Variants in C6orf118 observed in about 807,000 individuals in gnomAD.
The protein encoded by C6orf118 is uncharacterized protein C6orf118.
C6orf118 carries 50 observed loss-of-function variants against 50.2 expected under a neutral mutation model. That is an observed-to-expected ratio of 1.00 (90% CI 0.79 to 1.26). C6orf118 has a LOEUF of 1.26. C6orf118 is among the 50% of genes most tolerant of loss of function. The pLI, the probability that C6orf118 is intolerant of heterozygous loss-of-function variation, is 0.00. For missense variants in C6orf118, 641 were observed against 578.7 expected (o/e 1.11, Z -1.10); for synonymous variants, 239 against 230.9 (o/e 1.03, Z -0.32).
In C6orf118 at chr6:165,300,401, C is replaced by T; in HGVS notation, c.839G>A (p.Ser280Asn). 3 of 1,613,884 alleles carry T rather than the reference C, an allele frequency of 1.9e-6. No individual in the cohort carries two copies. In the African/African-American group the frequency reaches 4.0e-5, roughly 22 times the overall value. Residue 280 changes from serine (S) to asparagine (N), a missense_variant, in exon 3 of 9, where the codon AGT becomes AAT. By Grantham distance (46) the Ser-to-Asn change is conservative. Coordinates refer to ENST00000230301, the MANE Select transcript of C6orf118 (RefSeq NM_144980.4). Reference protein sequence around the residue: ...FGKVFEDICNSSLIFGDLLKK... With the variant: ...FGKVFEDICNNSLIFGDLLKK... ...CAAGAGATCACCAAATATCAAAGAACTGTTACAAATATCTTCAAAGACTTT... is the reference window on the plus strand; with the variant it reads ...CAAGAGATCACCAAATATCAAAGAATTGTTACAAATATCTTCAAAGACTTT...
chr6:165,308,568 G>A lies in C6orf118; in HGVS notation c.25+994C>T, dbSNP rs191724370. On this transcript the variant is annotated intron_variant, in intron 1 of 8. Coordinates refer to ENST00000230301, the MANE Select transcript of C6orf118 (RefSeq NM_144980.4). Reference sequence around the variant, plus strand: ...AAGCAGCAAAACTGACCTTACCCTCGAGTCCAGCCTGGTGACAGCCTGAAG... The same window carrying A: ...AAGCAGCAAAACTGACCTTACCCTCAAGTCCAGCCTGGTGACAGCCTGAAG... Among the ~76,000 whole-genome samples, 418 of 152,204 alleles carry A rather than the reference G, an allele frequency of 2.7e-3. 2 individuals are homozygous for A. Among genetic ancestry groups the A allele is most frequent in the African/African-American group, 9.5e-3 (394 of 41,520 alleles).
intron 6 of C6orf118, among the ~76,000 whole-genome samples, chr6:165,291,165 G>A (rs1780092636): frequency 6.6e-6 from 1 of 152,096 alleles, no homozygotes; most frequent in South Asian, 2.1e-4. Flanking sequence ...TGGGGACACG[G>A]AGCCAAACCA....
At chr6:165,309,465 T>C in intron 1 of C6orf118, 97 bp downstream of exon 1, 2 of 1,476,734 alleles carry the variant, frequency 1.4e-6, no homozygotes, top group Non-Finnish European at 1.9e-6. Flanking sequence ...CAGAAAAAGA[T>C]TTTCACATTT....
At chr6:165,299,595 GTTCA>G (rs1780440785) in intron 3 of C6orf118, 93 bp from the exon 4 acceptor site, 1 of 932,224 alleles carries the variant, frequency 1.1e-6, no homozygotes, top group South Asian at 1.5e-5. Flanking sequence ...AGTCAAGAAT[GTTCA>G]TTTAGATCAT....
intron 7 of C6orf118, among the ~76,000 whole-genome samples, chr6:165,289,320 G>A (rs1777147029): frequency 6.6e-6 from 1 of 152,018 alleles, no homozygotes; most frequent in African/African-American, 2.4e-5. Context: ...TAAAAGTAGT[G>A]CTGGAAAAAT....
chr6:165,285,878 T>G (rs1779886086), intron 7 of C6orf118, among the ~76,000 whole-genome samples: 1 of 150,344 alleles, frequency 6.7e-6, no homozygotes, highest in African/African-American at 2.5e-5. Context: ...GAGAACCAAG[T>G]GCAAACAAAC....
At chr6:165,308,072 A>G (rs1043661249) in intron 1 of C6orf118, among the ~76,000 whole-genome samples, 1 of 152,214 alleles carries the variant, frequency 6.6e-6, no homozygotes, top group Non-Finnish European at 1.5e-5. Flanking sequence ...AGTGAGATGC[A>G]GACCCAGGGC....
At chr6:165,284,282 A>G (rs1258876338) in intron 7 of C6orf118, among the ~76,000 whole-genome samples, 4 of 152,192 alleles carry the variant, frequency 2.6e-5, no homozygotes, top group Admixed American at 6.5e-5. Context: ...AGAAAAAAGA[A>G]TGAAAGGAAT....
chr6:165,299,896 C>T (rs1021946792), intron 3 of C6orf118, among the ~76,000 whole-genome samples: 2 of 152,110 alleles, frequency 1.3e-5, no homozygotes, highest in African/African-American at 2.4e-5. Flanking sequence ...GTTGGCCAGG[C>T]TGGTCTTGAA....
chr6:165,282,866 T>C (rs1328095988), intron 7 of C6orf118, among the ~76,000 whole-genome samples: 2 of 152,168 alleles, frequency 1.3e-5, no homozygotes, highest in African/African-American at 4.8e-5. Flanking sequence ...AAGGAGGTTT[T>C]AATTATGAAA....
At chr6:165,281,802 T>G (rs1779739871) in intron 7 of C6orf118, 109 bp from the exon 8 acceptor site, 1 of 576,278 alleles carries the variant, frequency 1.7e-6, no homozygotes, top group East Asian at 3.6e-5. Flanking sequence ...TCAAGAGTAC[T>G]CAATAGCACA....
intron 8 of C6orf118, 167 bp downstream of exon 8, chr6:165,281,473 A>T (rs1201713657): frequency 9.5e-6 from 13 of 1,373,208 alleles, no homozygotes; most frequent in Non-Finnish European, 1.2e-5. Flanking sequence ...CATGATGTCA[A>T]TACTTACTCC....
At chr6:165,284,319 T>C (rs1270477119) in intron 7 of C6orf118, among the ~76,000 whole-genome samples, 1 of 152,102 alleles carries the variant, frequency 6.6e-6, no homozygotes, top group African/African-American at 2.4e-5. Flanking sequence ...AACTATGGGA[T>C]TATGTAAAAA....
chr6:165,286,718 T>C (rs1779916019), intron 7 of C6orf118, among the ~76,000 whole-genome samples: 2 of 152,268 alleles, frequency 1.3e-5, no homozygotes, highest in African/African-American at 2.4e-5. Context: ...TCTATAAAAT[T>C]CAACATCCCT....
chr6:165,302,843 T>C (rs1292662688), intron 1 of C6orf118, among the ~76,000 whole-genome samples: 2 of 152,112 alleles, frequency 1.3e-5, no homozygotes, highest in African/African-American at 2.4e-5. Flanking sequence ...CACAGTTGCC[T>C]CCTCTGCAAC....
rs748253184 is a variant in C6orf118, at chr6:165,298,120, A to G, written c.937-19T>C. 12 of 1,561,076 alleles carry G rather than the reference A, an allele frequency of 7.7e-6. No homozygotes were observed. Among genetic ancestry groups the G allele is most frequent in the African/African-American group, 1.4e-5 (1 of 72,882 alleles). ...GAAGAGCCTAGGCAGGACCAGGTAC[A>G]TGAGGTGAGACAAGCACACAGGGAG... On this transcript the variant is annotated intron_variant, in intron 4 of 8. Coordinates refer to ENST00000230301, the MANE Select transcript of C6orf118 (RefSeq NM_144980.4).
intron 6 of C6orf118, among the ~76,000 whole-genome samples, chr6:165,290,511 A>G (rs1780071037): frequency 6.6e-6 from 1 of 152,150 alleles, no homozygotes; most frequent in Non-Finnish European, 1.5e-5. Flanking sequence ...AAGGATAAAG[A>G]GAAGTTAGAC....
chr6:165,299,299 C>T (rs1780426115), intron 4 of C6orf118, 144 bp downstream of exon 4: 1 of 619,258 alleles, frequency 1.6e-6, no homozygotes. Flanking sequence ...GTATAAAACT[C>T]ATCTATAACA....
chr6:165,295,755 T>C (rs1487519510), intron 5 of C6orf118, among the ~76,000 whole-genome samples: 1 of 150,938 alleles, frequency 6.6e-6, no homozygotes, highest in East Asian at 1.9e-4. Context: ...CACCCTGATT[T>C]TCCTTTTTAT....
Sources: gnomAD v4.1 joint callset for allele counts (sites outside exome capture counted in the v4.1 genomes callset) on GRCh38, gnomAD v4.1.1 for gene constraint, MANE v1.5 for transcripts, NCBI Gene and HGNC (gene_info 2026-07-23, HGNC 2026-07-21) for gene names.